PITPNC1: variants seen among roughly 807,000 people sequenced by gnomAD.
PITPNC1 encodes the protein cytoplasmic phosphatidylinositol transfer protein 1.
PITPNC1 carries 18 observed loss-of-function variants against 44.7 expected under a neutral mutation model. The ratio of observed to expected loss-of-function variants is 0.40; its 90% confidence interval spans 0.28 to 0.60. The LOEUF (loss-of-function observed/expected upper bound fraction) is 0.60. Ranked by LOEUF, PITPNC1 falls within the 20% of genes least tolerant of loss-of-function variation. PITPNC1 has a pLI of 0.39. For synonymous variants in PITPNC1, 141 were observed against 149.6 expected (o/e 0.94, Z 0.42); for missense variants, 290 against 418.4 (o/e 0.69, Z 2.68).
chr17:67,663,442 T>C (rs557256039), intron 6 of PITPNC1, among the ~76,000 whole-genome samples: 69 of 152,018 alleles, frequency 4.5e-4, no homozygotes, highest in African/African-American at 1.5e-3. Context: ...TGGTGGCAGG[T>C]GCCTGTAATC....
At chr17:67,680,600 CAAA>C (rs11354234) in intron 8 of PITPNC1, among the ~76,000 whole-genome samples, 11 of 132,416 alleles carry the variant, frequency 8.3e-5, no homozygotes, top group Admixed American at 1.5e-4. Flanking sequence ...AACTCTGTCT[CAAA>C]AAAAAAAAAA....
Position 67,597,614 on chromosome 17 carries a change from C to T in PITPNC1, c.366+19357C>T, listed in dbSNP as rs1388010483. On this transcript the variant is annotated intron_variant, in intron 5 of 8. Coordinates refer to ENST00000581322, the MANE Select transcript of PITPNC1 (RefSeq NM_012417.4). The surrounding 1 kb of genome is among the most constrained non-coding windows in gnomAD (Gnocchi z 4.0). Reference sequence around the variant, plus strand: ...TTCCTCAATCCCTTTGTGTTAAGTTCCTAGTGGAAATTTGAGAAGTCCTTT... The same window carrying T: ...TTCCTCAATCCCTTTGTGTTAAGTTTCTAGTGGAAATTTGAGAAGTCCTTT... 1.3e-5 allele frequency among the ~76,000 whole-genome samples: 2 copies of T among 152,098 alleles called. No homozygotes were observed. Among genetic ancestry groups the T allele is most frequent in the East Asian group, 1.9e-4 (1 of 5,186 alleles).
In PITPNC1 at chr17:67,631,673, A is replaced by ATATATATAT. The variant is rs1380540532; in HGVS notation, c.367-470_367-469insTATATATAT. Among the ~76,000 whole-genome samples, 64 of 52,488 alleles carry ATATATATAT rather than the reference A, an allele frequency of 1.2e-3. 2 individuals are homozygous for ATATATATAT. Among genetic ancestry groups the ATATATATAT allele is most frequent in the East Asian group, 4.9e-3 (16 of 3,268 alleles). The allele number at this position is 52,488 out of a possible 152,430, so 34.4% of individuals were successfully genotyped here. On this transcript the variant is annotated intron_variant, in intron 5 of 8. Transcript: ENST00000581322. ...AAAAAAAAAAATATATATATATATA[A>ATATATATAT]AATATATATTTTTAACATATATATA...
chr17:67,583,416 C>T (rs919970922), intron 5 of PITPNC1, among the ~76,000 whole-genome samples: 2 of 151,836 alleles, frequency 1.3e-5, no homozygotes, highest in Admixed American at 6.6e-5. Flanking sequence ...GGTGAAACCT[C>T]GTCTCTACTA....
chr17:67,577,284 C>CT (rs1441142972), intron 4 of PITPNC1, among the ~76,000 whole-genome samples: 1 of 151,862 alleles, frequency 6.6e-6, no homozygotes, highest in Non-Finnish European at 1.5e-5. Context: ...AAGTAAGACT[C>CT]TGTCTCAAAA....
rs771303608 is a variant in PITPNC1 at position 67,692,524 on chromosome 17, T to A, written c.683-48T>A. ...AAGGGTAGTGATGAATCTATTTGCC[T>A]CTCTTATAAATAACTGCTCGTTTTT... On this transcript the variant is annotated intron_variant, in intron 8 of 8. Coordinates refer to ENST00000581322, the MANE Select transcript of PITPNC1 (RefSeq NM_012417.4). The A allele has an allele frequency of 5.1e-6, 7 of 1,366,082 alleles. No homozygotes were observed. In the Admixed American group the frequency reaches 1.2e-4, roughly 24 times the overall value. The allele number at this position is 1,366,082 out of a possible 1,614,324, so 84.6% of individuals were successfully genotyped here. A position where few individuals can be genotyped will look rare whatever the true frequency, so the allele number is the denominator to read the frequency against.
chr17:67,655,611 C>A (rs1461609933), intron 6 of PITPNC1, among the ~76,000 whole-genome samples: 1 of 150,420 alleles, frequency 6.6e-6, no homozygotes, highest in Non-Finnish European at 1.5e-5. Context: ...AGGTCCCCAC[C>A]CCCTAATACC....
At chr17:67,586,739 T>G (rs1291321017) in intron 5 of PITPNC1, among the ~76,000 whole-genome samples, 1 of 152,190 alleles carries the variant, frequency 6.6e-6, no homozygotes, top group African/African-American at 2.4e-5. Context: ...TTCCCAATAA[T>G]GTACTTTTGC....
intron 1 of PITPNC1, among the ~76,000 whole-genome samples, chr17:67,460,429 G>GT (rs879935962): frequency 1.3e-3 from 191 of 145,168 alleles, no homozygotes; most frequent in Middle Eastern, 3.5e-3. Context: ...AAATTTTCTT[G>GT]TTTTTTTTTT....
chr17:67,694,747 A>AT lies in PITPNC1; in HGVS notation c.*1864dup, dbSNP rs1345581337. ...CTTCTATGCATGGTATGGAAGCATG[A>AT]TTTTTGCTTGTGGGAAAACCTAATA... is the stretch of plus-strand genomic sequence containing the variant. On this transcript the variant is annotated 3_prime_UTR_variant, in exon 9 of 9. Transcript: ENST00000581322. 1 of 152,260 alleles carries AT rather than the reference A, an allele frequency of 6.6e-6. No homozygotes were observed. Among genetic ancestry groups the AT allele is most frequent in the Middle Eastern group, 3.4e-3 (1 of 294 alleles). 9.4% of individuals were successfully genotyped at this position (152,260 alleles called of 1,614,324 possible).
chr17:67,576,763 C>T (rs1325981228), intron 4 of PITPNC1, among the ~76,000 whole-genome samples: 2 of 152,168 alleles, frequency 1.3e-5, no homozygotes, highest in Non-Finnish European at 2.9e-5. Flanking sequence ...TTCTGTCCCT[C>T]GTGTGGACAA....
intron 2 of PITPNC1, among the ~76,000 whole-genome samples, chr17:67,546,789 G>A (rs1447722959): frequency 1.3e-5 from 2 of 152,126 alleles, no homozygotes; most frequent in African/African-American, 4.8e-5. Flanking sequence ...GGAGGCCCCG[G>A]CAGCCTTGCC....
chr17:67,514,188 G>T (rs2040228596), intron 1 of PITPNC1, among the ~76,000 whole-genome samples: 1 of 151,822 alleles, frequency 6.6e-6, no homozygotes, highest in African/African-American at 2.4e-5. Flanking sequence ...GAATTCACGG[G>T]TTTTTTGTTT....
chr17:67,433,443 G>GA (rs1053818185), intron 1 of PITPNC1, among the ~76,000 whole-genome samples: 2 of 152,290 alleles, frequency 1.3e-5, no homozygotes, highest in Admixed American at 1.3e-4. Flanking sequence ...GCAGAAGATA[G>GA]AACAGAGAGG....
At chr17:67,443,434 T>C (rs2039044785) in intron 1 of PITPNC1, among the ~76,000 whole-genome samples, 1 of 151,838 alleles carries the variant, frequency 6.6e-6, no homozygotes, top group Admixed American at 6.6e-5. Flanking sequence ...GGTGGTTGCA[T>C]TCATTTTTCG....
chr17:67,466,756 T>C (rs144384649), intron 1 of PITPNC1, among the ~76,000 whole-genome samples: 1 of 151,946 alleles, frequency 6.6e-6, no homozygotes, highest in Non-Finnish European at 1.5e-5. Context: ...GCAGGAGGAG[T>C]GCTTGGCCCT....
chr17:67,556,619 T>G lies in PITPNC1; in HGVS notation c.294+3002T>G, dbSNP rs189416907. 3.7e-4 allele frequency among the ~76,000 whole-genome samples: 56 copies of G among 152,218 alleles called. No individual in the cohort carries two copies. The East Asian group carries it at 7.9e-3, about 22-fold the overall frequency. ...GTGGGAACCCATCCTGCAATTGACA[T>G]GCCATAGGAACTCTAAGGTCAGACC... On this transcript the variant is annotated intron_variant, in intron 4 of 8. Coordinates refer to ENST00000581322, the MANE Select transcript of PITPNC1 (RefSeq NM_012417.4).
At chr17:67,578,018 AAAGG>A in intron 4 of PITPNC1, 164 bp from the exon 5 acceptor site, 1 of 673,228 alleles carries the variant, frequency 1.5e-6, no homozygotes, top group Admixed American at 2.1e-5. Flanking sequence ...TCATTGTCCT[AAAGG>A]CGGCTTTCCT....
At chr17:67,424,393 A>C (rs1177124414) in intron 1 of PITPNC1, among the ~76,000 whole-genome samples, 1 of 152,006 alleles carries the variant, frequency 6.6e-6, no homozygotes, top group Non-Finnish European at 1.5e-5. Context: ...GCAGTGGCTC[A>C]CTCCTGTAAT....
Sources: gnomAD v4.1 joint callset for allele counts (sites outside exome capture counted in the v4.1 genomes callset) on GRCh38, gnomAD v4.1.1 for gene constraint, Gnocchi (gnomAD v3.1) non-coding constraint, MANE v1.5 for transcripts, NCBI Gene and HGNC (gene_info 2026-07-23, HGNC 2026-07-21) for gene names.